Variants in CDK19 observed in about 807,000 individuals in gnomAD.
CDK19 encodes cyclin-dependent kinase 19.
CDK19 carries 20 observed loss-of-function variants against 68.3 expected under a neutral mutation model. The ratio of observed to expected loss-of-function variants is 0.29; its 90% CI spans 0.21 to 0.43. CDK19 has a LOEUF of 0.43. Ranked by LOEUF, CDK19 falls within the 20% of genes least tolerant of loss-of-function variation. CDK19 has a pLI of 1.00. For synonymous variants in CDK19, 221 were observed against 222.8 expected (o/e 0.99, Z 0.07); for missense variants, 339 against 623.5 (o/e 0.54, Z 4.86).
intron 2 of CDK19, among the ~76,000 whole-genome samples, chr6:110,731,039 C>G (rs1283748179): frequency 1.5e-5 from 2 of 131,090 alleles, no homozygotes; most frequent in South Asian, 2.4e-4. Context: ...GCGACAAGAG[C>G]AAAACTCCAT....
chr6:110,718,933 TAGC>T (rs1274603248), intron 2 of CDK19, among the ~76,000 whole-genome samples: 2 of 151,912 alleles, frequency 1.3e-5, no homozygotes, highest in Non-Finnish European at 2.9e-5. Context: ...TAGAAAGAAA[TAGC>T]AGGAGGGAAA....
chr6:110,764,015 A>G (rs980758566), intron 1 of CDK19, among the ~76,000 whole-genome samples: 3 of 152,178 alleles, frequency 2.0e-5, no homozygotes, highest in Non-Finnish European at 4.4e-5. Context: ...TAGCAACCCA[A>G]AAAAGAAATA....
chr6:110,808,633 G>T (rs955867409), intron 1 of CDK19, among the ~76,000 whole-genome samples: 1 of 152,158 alleles, frequency 6.6e-6, no homozygotes, highest in Non-Finnish European at 1.5e-5. Context: ...AGTTTTTGAA[G>T]GCTTGCATTA....
chr6:110,740,647 T>TA, intron 2 of CDK19, among the ~76,000 whole-genome samples: 1 of 152,380 alleles, frequency 6.6e-6, no homozygotes, highest in South Asian at 2.1e-4. Flanking sequence ...CCTCAACAGT[T>TA]ATTCTGCAAT....
intron 4 of CDK19, among the ~76,000 whole-genome samples, chr6:110,655,827 T>A (rs969489732): frequency 8.5e-5 from 13 of 152,130 alleles, no homozygotes; most frequent in African/African-American, 3.1e-4. Flanking sequence ...GGTCTTTCTT[T>A]AACAAAAACC....
chr6:110,682,685 G>T (rs1234139017), intron 2 of CDK19, among the ~76,000 whole-genome samples: 1 of 152,180 alleles, frequency 6.6e-6, no homozygotes, highest in African/African-American at 2.4e-5. Flanking sequence ...CAGTTGAAAT[G>T]ACAGTGAGGC....
intron 1 of CDK19, among the ~76,000 whole-genome samples, chr6:110,780,803 C>T (rs1044185204): frequency 3.3e-5 from 5 of 152,182 alleles, no homozygotes; most frequent in African/African-American, 1.2e-4. Context: ...GGACATTTCT[C>T]ATCTCTGGAA....
At position 110,717,020 on chromosome 6, in the gene CDK19, TA is replaced by T. The variant is rs1582936189; in HGVS notation, c.204+29105del. Reference sequence around the variant, plus strand: ...GGTGGCATGTGCCTGTAGTCCCAGCTACTCTGGAGGCTGAGGCAGGAGAATC... The same window carrying T: ...GGTGGCATGTGCCTGTAGTCCCAGCTCTCTGGAGGCTGAGGCAGGAGAATC... On this transcript the variant is annotated intron_variant, in intron 2 of 12. Transcript: ENST00000368911. 3.9e-5 allele frequency among the ~76,000 whole-genome samples: 6 copies of T among 152,280 alleles called. 1 individual carries two copies. In the East Asian group the frequency reaches 1.2e-3, roughly 29 times the overall value.
chr6:110,728,022 G>A (rs535331838), intron 2 of CDK19, among the ~76,000 whole-genome samples: 1 of 150,814 alleles, frequency 6.6e-6, no homozygotes, highest in Admixed American at 6.6e-5. Flanking sequence ...CAGGCATGGT[G>A]GCTCACACCT....
chr6:110,639,316 T>C (rs1779977942), intron 4 of CDK19, among the ~76,000 whole-genome samples: 1 of 152,244 alleles, frequency 6.6e-6, no homozygotes, highest in African/African-American at 2.4e-5. Flanking sequence ...GTCACCCTTA[T>C]CTGTAGACAC....
intron 1 of CDK19, among the ~76,000 whole-genome samples, chr6:110,753,546 AT>A (rs373536633): frequency 0.3 from 39,867 of 134,208 alleles, 6,475 homozygotes; most frequent in East Asian, 0.67. Flanking sequence ...CCACACCTGG[AT>A]TTTTTTTTTT....
intron 2 of CDK19, among the ~76,000 whole-genome samples, chr6:110,683,039 G>A (rs1209229505): frequency 6.6e-6 from 1 of 151,930 alleles, no homozygotes; most frequent in East Asian, 1.9e-4. Flanking sequence ...AGCCAGGCAT[G>A]GTGGTGGGCG....
intron 2 of CDK19, among the ~76,000 whole-genome samples, chr6:110,738,686 T>C (rs927706781): frequency 2.6e-5 from 4 of 152,186 alleles, no homozygotes; most frequent in Non-Finnish European, 4.4e-5. Flanking sequence ...CCTTGGCTTA[T>C]AGACATTTTA....
chr6:110,739,651 A>T (rs1440770645), intron 2 of CDK19, among the ~76,000 whole-genome samples: 1 of 150,170 alleles, frequency 6.7e-6, no homozygotes, highest in African/African-American at 2.4e-5. Context: ...TTTTTTTGAG[A>T]TGGGGTTCTC....
intron 2 of CDK19, among the ~76,000 whole-genome samples, chr6:110,726,082 C>T (rs904325565): frequency 6.6e-6 from 1 of 151,812 alleles, no homozygotes; most frequent in Non-Finnish European, 1.5e-5. Context: ...ACACCAGTAG[C>T]TTCAAAGAAC....
intron 1 of CDK19, among the ~76,000 whole-genome samples, chr6:110,766,939 G>T (rs1434589773): frequency 2.0e-5 from 3 of 152,002 alleles, no homozygotes; most frequent in African/African-American, 7.3e-5. Context: ...TTCGAGATCA[G>T]CCTGGCCAAC....
rs1778169282 is a variant in CDK19, at chr6:110,614,246, G to A, written c.*289C>T. 2 of 262,988 alleles carry A rather than the reference G, an allele frequency of 7.6e-6. No individual in the cohort carries two copies. Among genetic ancestry groups the A allele is most frequent in the African/African-American group, 2.2e-5 (1 of 46,216 alleles). The allele number at this position is 262,988 out of a possible 1,614,324, so 16.3% of individuals were successfully genotyped here. On this transcript the variant is annotated 3_prime_UTR_variant, in exon 13 of 13. Coordinates refer to ENST00000368911, the MANE Select transcript of CDK19 (RefSeq NM_015076.5). ...AAGGTGCACCAGGAAATCCTTCAAA[G>A]AAATGCTGAAGGTTACAGAAGTGCT... is the stretch of plus-strand genomic sequence containing the variant.
intron 2 of CDK19, among the ~76,000 whole-genome samples, chr6:110,741,450 G>A (rs1364693011): frequency 6.6e-6 from 1 of 151,376 alleles, no homozygotes; most frequent in African/African-American, 2.4e-5. Flanking sequence ...AACAGAGTGA[G>A]ATCCTGTCTC....
intron 5 of CDK19, among the ~76,000 whole-genome samples, chr6:110,632,727 T>C (rs1042046453): frequency 6.6e-6 from 1 of 151,970 alleles, no homozygotes; most frequent in Non-Finnish European, 1.5e-5. Flanking sequence ...TGAGACTCCA[T>C]CCCCTGTCCC....
Sources: gnomAD v4.1 joint callset for allele counts (sites outside exome capture counted in the v4.1 genomes callset) on GRCh38, gnomAD v4.1.1 for gene constraint, MANE v1.5 for transcripts, NCBI Gene and HGNC (gene_info 2026-07-23, HGNC 2026-07-21) for gene names.